RARB: variants seen among roughly 807,000 people sequenced by gnomAD.
RARB encodes the protein HBV-activated protein.
Under a neutral mutation model 51.9 loss-of-function variants are expected in RARB, and 17 were observed. That is an observed-to-expected ratio of 0.33 (90% confidence interval 0.22 to 0.49). The LOEUF (loss-of-function observed/expected upper bound fraction) is 0.49. RARB is among the 20% of genes least tolerant of loss of function. The probability of loss-of-function intolerance (pLI) is 0.99; values close to 1 mark genes in which losing one functional copy is unlikely to be tolerated. For synonymous variants in RARB, 215 were observed against 195.4 expected, an observed-to-expected ratio of 1.10 and a Z score of -0.84; for missense variants, 369 against 550.8, an observed-to-expected ratio of 0.67 and a Z score of 3.30.
intron 5 of RARB, among the ~76,000 whole-genome samples, chr3:25,216,737 A>G (rs1417621389): frequency 6.6e-6 from 1 of 151,308 alleles, no homozygotes; most frequent in Non-Finnish European, 1.5e-5. Flanking sequence ...GGTACTACAT[A>G]TATATATATC....
At chr3:24,966,488 T>C (rs1463209655) in intron 2 of RARB, among the ~76,000 whole-genome samples, 2 of 152,164 alleles carry the variant, frequency 1.3e-5, no homozygotes, top group Admixed American at 6.6e-5. Flanking sequence ...CCTGGTGATA[T>C]TTTATGGTTT....
At chr3:25,566,573 C>G (rs1304734080) in intron 3 of RARB, among the ~76,000 whole-genome samples, 1 of 152,204 alleles carries the variant, frequency 6.6e-6, no homozygotes, top group East Asian at 1.9e-4. Context: ...TGCCCAGCTG[C>G]AGCTCACCCA....
chr3:24,911,808 G>C (rs775143836), intron 2 of RARB, among the ~76,000 whole-genome samples: 1 of 152,152 alleles, frequency 6.6e-6, no homozygotes, highest in African/African-American at 2.4e-5. Context: ...CCATATTGTG[G>C]ATTAAAATGT....
intron 2 of RARB, among the ~76,000 whole-genome samples, chr3:25,009,027 G>T (rs780113221): frequency 1.3e-5 from 2 of 152,150 alleles, no homozygotes; most frequent in South Asian, 4.1e-4. Context: ...TGCCGAAGAA[G>T]CAGAGTGACC....
intron 5 of RARB, among the ~76,000 whole-genome samples, chr3:25,320,165 T>G (rs1704529877): frequency 6.6e-6 from 1 of 152,050 alleles, no homozygotes; most frequent in Non-Finnish European, 1.5e-5. Context: ...ACCCACTTCC[T>G]CATCTTTAGG....
At chr3:25,170,658 A>G (rs1015403839) in intron 4 of RARB, among the ~76,000 whole-genome samples, 1 of 152,252 alleles carries the variant, frequency 6.6e-6, no homozygotes, top group African/African-American at 2.4e-5. Flanking sequence ...ACTTAATACA[A>G]AAATGACCTC....
At chr3:25,405,384 A>G (rs1707378536) in intron 5 of RARB, among the ~76,000 whole-genome samples, 1 of 152,188 alleles carries the variant, frequency 6.6e-6, no homozygotes, top group Admixed American at 6.5e-5. Context: ...CTATATCAAT[A>G]AAACAAAATG....
intron 2 of RARB, among the ~76,000 whole-genome samples, chr3:24,908,320 T>C (rs1694911172): frequency 6.6e-6 from 1 of 152,218 alleles, no homozygotes; most frequent in Non-Finnish European, 1.5e-5. Flanking sequence ...ATTTATTTTT[T>C]GCAAATGCCT....
At chr3:24,938,896 T>C (rs1041447669) in intron 2 of RARB, among the ~76,000 whole-genome samples, 2 of 152,238 alleles carry the variant, frequency 1.3e-5, no homozygotes, top group Non-Finnish European at 2.9e-5. Flanking sequence ...TGTATCAAAG[T>C]TTTATTCCTT....
At chr3:25,391,649 G>T (rs1309694423) in intron 5 of RARB, among the ~76,000 whole-genome samples, 3 of 152,102 alleles carry the variant, frequency 2.0e-5, no homozygotes, top group Non-Finnish European at 1.5e-5. Flanking sequence ...TAGTGATGTG[G>T]GGCATTTTTT....
chr3:25,571,932 G>A (rs916156665), intron 4 of RARB, among the ~76,000 whole-genome samples: 1 of 152,144 alleles, frequency 6.6e-6, no homozygotes, highest in Non-Finnish European at 1.5e-5. Flanking sequence ...CCCCATGCTG[G>A]GTGCATCTGA....
At chr3:25,064,578 GA>G (rs373420785) in intron 3 of RARB, among the ~76,000 whole-genome samples, 4 of 152,236 alleles carry the variant, frequency 2.6e-5, no homozygotes, top group African/African-American at 9.6e-5. Flanking sequence ...AAATATCCAT[GA>G]AAGGGGTCAA....
chr3:25,227,122 A>G (rs1702072480), intron 5 of RARB, among the ~76,000 whole-genome samples: 1 of 152,238 alleles, frequency 6.6e-6, no homozygotes, highest in South Asian at 2.1e-4. Context: ...CATGTTTGCC[A>G]TTTAAGAGAT....
At chr3:24,912,872 A>G (rs140259423) in intron 2 of RARB, among the ~76,000 whole-genome samples, 271 of 152,120 alleles carry the variant, frequency 1.8e-3, no homozygotes, top group African/African-American at 6.2e-3. Context: ...AAATCCAGGA[A>G]GAGATTGAAA....
intron 4 of RARB, among the ~76,000 whole-genome samples, chr3:25,137,037 CTGTT>C (rs1700040565): frequency 6.6e-6 from 1 of 152,002 alleles, no homozygotes; most frequent in African/African-American, 2.4e-5. Flanking sequence ...GATTTTCAAA[CTGTT>C]TGTGTAATCA....
At chr3:25,166,294 T>A (rs1700559752) in intron 4 of RARB, among the ~76,000 whole-genome samples, 1 of 152,198 alleles carries the variant, frequency 6.6e-6, no homozygotes, top group African/African-American at 2.4e-5. Flanking sequence ...CTGACTTCTT[T>A]ACATCCATGT....
intron 5 of RARB, among the ~76,000 whole-genome samples, chr3:25,372,062 A>G (rs1706316355): frequency 6.6e-6 from 1 of 152,184 alleles, no homozygotes; most frequent in Non-Finnish European, 1.5e-5. Context: ...GGCATAGAGG[A>G]GACCCAAGAA....
chr3:25,462,852 G>C (rs1399738104), intron 2 of RARB, among the ~76,000 whole-genome samples: 2 of 152,180 alleles, frequency 1.3e-5, no homozygotes, highest in Admixed American at 6.5e-5. Flanking sequence ...CGCAGAGGCA[G>C]GGTTCCAGAA....
chr3:25,381,760 G>A (rs1437869625), intron 5 of RARB, among the ~76,000 whole-genome samples: 1 of 152,178 alleles, frequency 6.6e-6, no homozygotes, highest in African/African-American at 2.4e-5. Context: ...CAAATTCTCA[G>A]GCCCTATCTC....
Sources: allele counts gnomAD v4.1 joint callset (sites outside exome capture counted in the v4.1 genomes callset), GRCh38; gene constraint gnomAD v4.1.1; transcripts MANE v1.5; gene names NCBI Gene and HGNC (gene_info 2026-07-23, HGNC 2026-07-21).